The following TLE4 variants were observed in gnomAD, a reference collection of about 807,000 sequenced individuals.
The protein encoded by TLE4 is TLE family member 4, transcriptional corepressor.
A neutral mutation model predicts 92.8 loss-of-function variants in TLE4; 8 were observed. The observed-to-expected ratio is 0.09, with a 90% CI of 0.05 to 0.16. The LOEUF is 0.16. Ranked by LOEUF, TLE4 falls within the 10% of genes least tolerant of loss-of-function variation. The pLI is 1.00. For synonymous variants in TLE4, 371 were observed against 374.1 expected, an observed-to-expected ratio of 0.99 and a Z score of 0.10; for missense variants, 675 against 997.6, an observed-to-expected ratio of 0.68 and a Z score of 4.36.
chr9:79,662,260 ATCT>A (rs1320271671), intron 8 of TLE4, among the ~76,000 whole-genome samples: 3 of 152,162 alleles, frequency 2.0e-5, no homozygotes, highest in East Asian at 1.9e-4. Context: ...GGATTCTTGA[ATCT>A]TCTTTTTTAA....
chr9:79,645,413 A>G (rs1000317034), intron 6 of TLE4, among the ~76,000 whole-genome samples: 5 of 152,194 alleles, frequency 3.3e-5, no homozygotes, highest in African/African-American at 1.2e-4. Flanking sequence ...CAAAATTCCT[A>G]GGGATGTCAG....
intron 4 of TLE4, among the ~76,000 whole-genome samples, chr9:79,590,548 T>C (rs891512772): frequency 1.3e-5 from 2 of 152,210 alleles, no homozygotes; most frequent in Admixed American, 6.5e-5. Flanking sequence ...TGGGAGCTCA[T>C]TTCCAAAGGC....
intron 6 of TLE4, among the ~76,000 whole-genome samples, chr9:79,648,967 C>T (rs1020484009): frequency 1.3e-5 from 2 of 152,160 alleles, no homozygotes; most frequent in African/African-American, 4.8e-5. Context: ...GAAGGATATA[C>T]AACTGCTGCA....
intron 8 of TLE4, among the ~76,000 whole-genome samples, chr9:79,701,909 A>G (rs571624019): frequency 1.3e-5 from 2 of 152,340 alleles, no homozygotes; most frequent in South Asian, 2.1e-4. Flanking sequence ...AAACACAGCA[A>G]TAAATTTGTT....
intron 5 of TLE4, among the ~76,000 whole-genome samples, chr9:79,615,328 C>G (rs889227694): frequency 4.6e-5 from 7 of 152,174 alleles, no homozygotes; most frequent in African/African-American, 1.7e-4. Flanking sequence ...TTAACACCGG[C>G]TCTCTGTGTG....
chr9:79,581,346 A>G (rs2039601615), intron 4 of TLE4, among the ~76,000 whole-genome samples: 1 of 152,104 alleles, frequency 6.6e-6, no homozygotes, highest in Non-Finnish European at 1.5e-5. Context: ...TGGAGGATGA[A>G]ATTTAACCTG....
chr9:79,694,183 A>G (rs938458899), intron 8 of TLE4, among the ~76,000 whole-genome samples: 1 of 152,190 alleles, frequency 6.6e-6, no homozygotes, highest in African/African-American at 2.4e-5. Context: ...GGAGAGGGAA[A>G]GGTCAGAGAA....
intron 6 of TLE4, among the ~76,000 whole-genome samples, chr9:79,641,240 A>G (rs1196605305): frequency 6.6e-6 from 1 of 151,974 alleles, no homozygotes; most frequent in Non-Finnish European, 1.5e-5. Flanking sequence ...TTGGAATGAA[A>G]AACATCTGTT....
intron 8 of TLE4, among the ~76,000 whole-genome samples, chr9:79,680,744 T>C (rs1252425189): frequency 1.3e-5 from 2 of 152,224 alleles, no homozygotes; most frequent in African/African-American, 2.4e-5. Flanking sequence ...GTCCATTCAG[T>C]ATGATATTGG....
chr9:79,608,574 A>T (rs960657518), intron 4 of TLE4, among the ~76,000 whole-genome samples: 2 of 152,162 alleles, frequency 1.3e-5, no homozygotes, highest in African/African-American at 2.4e-5. Flanking sequence ...ATTCATCTTT[A>T]AAAAAATTTT....
At chr9:79,575,096 C>T in intron 3 of TLE4, 160 bp downstream of exon 3, 1 of 452,246 alleles carries the variant, frequency 2.2e-6, no homozygotes, top group Non-Finnish European at 4.1e-6. Flanking sequence ...TAATTCTAGG[C>T]TGTTATAACT....
chr9:79,681,823 A>T (rs975998715), intron 8 of TLE4, among the ~76,000 whole-genome samples: 89 of 129,570 alleles, frequency 6.9e-4, no homozygotes, highest in Non-Finnish European at 1.1e-3. Context: ...AGAGAGAGAG[A>T]GTGTGTGCAT....
intron 8 of TLE4, among the ~76,000 whole-genome samples, chr9:79,697,277 T>C (rs1206512105): frequency 6.6e-6 from 1 of 152,096 alleles, no homozygotes. Flanking sequence ...CAATACAAAG[T>C]TGTATGCAGT....
intron 8 of TLE4, chr9:79,668,837 G>A: frequency 1.0e-6 from 1 of 985,346 alleles, no homozygotes; most frequent in Non-Finnish European, 1.2e-6. Flanking sequence ...CAGCTGTTGT[G>A]AAGCCAGAAA....
At position 79,699,041 on chromosome 9, in the gene TLE4, G is replaced by A. The variant is rs370103448; in HGVS notation, c.610-5742G>A. Among the ~76,000 whole-genome samples, 6 of 152,178 alleles carry A rather than the reference G, an allele frequency of 3.9e-5. No homozygotes were observed. In the East Asian group the frequency reaches 1.2e-3, roughly 29 times the overall value. On this transcript the variant is annotated intron_variant, in intron 8 of 19. Coordinates refer to ENST00000376552, the MANE Select transcript of TLE4 (RefSeq NM_007005.6). ...CTAGCTGGGTTATGGTACAACAGTAGTTTGATGTACGTAGGTTTATTCAGG... is the reference window on the plus strand; with the variant it reads ...CTAGCTGGGTTATGGTACAACAGTAATTTGATGTACGTAGGTTTATTCAGG...
chr9:79,683,401 T>A (rs978299519), intron 8 of TLE4, among the ~76,000 whole-genome samples: 1 of 152,154 alleles, frequency 6.6e-6, no homozygotes, highest in Non-Finnish European at 1.5e-5. Context: ...AACATGAAGT[T>A]TAAACTTATT....
Position 79,584,834 on chromosome 9 carries a change from A to G in TLE4, c.252+8657A>G, listed in dbSNP as rs77952816. ...CTTTGAGGAACAAGTTAGTATAGCT[A>G]AAGTAGAATGTATGTATTTTAGTAT... On this transcript the variant is annotated intron_variant, in intron 4 of 19. Coordinates refer to ENST00000376552, the MANE Select transcript of TLE4 (RefSeq NM_007005.6). Among the ~76,000 whole-genome samples, 993 of 152,328 alleles carry G rather than the reference A, an allele frequency of 6.5e-3. 30 individuals carry two copies. The highest frequency in any genetic ancestry group is 0.046 in the East Asian group (239 of 5,178).
At chr9:79,612,780 G>A in intron 5 of TLE4, 62 bp downstream of exon 5, 1 of 1,418,520 alleles carries the variant, frequency 7.0e-7, no homozygotes, top group African/African-American at 1.4e-5. Context: ...TTGCAGAAAA[G>A]GGATTGTAGA....
intron 5 of TLE4, among the ~76,000 whole-genome samples, chr9:79,616,679 G>A (rs2049699906): frequency 6.6e-6 from 1 of 152,074 alleles, no homozygotes. Flanking sequence ...GACCTCAGTG[G>A]GTCCTTAGTA....
Sources: gnomAD v4.1 joint callset for allele counts (sites outside exome capture counted in the v4.1 genomes callset) on GRCh38, gnomAD v4.1.1 for gene constraint, MANE v1.5 for transcripts, NCBI Gene and HGNC (gene_info 2026-07-23, HGNC 2026-07-21) for gene names.